The following CYP39A1 variants were observed in gnomAD, a reference collection of about 807,000 sequenced individuals.
CYP39A1 encodes the protein 24-hydroxycholesterol 7-alpha-hydroxylase.
CYP39A1 carries 49 observed loss-of-function variants against 58.1 expected under a neutral mutation model. The observed-to-expected ratio is 0.84, with a 90% CI of 0.67 to 1.07. The LOEUF is 1.07. CYP39A1 is among the 50% of genes least tolerant of loss of function. The probability of loss-of-function intolerance (pLI) is 0.00; values close to 1 mark genes in which losing one functional copy is unlikely to be tolerated. For synonymous variants in CYP39A1, 209 were observed against 187.6 expected (o/e 1.11, Z -0.93); for missense variants, 531 against 539.4 (o/e 0.98, Z 0.16).
At chr6:46,596,904 C>T (rs1459803444) in intron 7 of CYP39A1, among the ~76,000 whole-genome samples, 4 of 152,098 alleles carry the variant, frequency 2.6e-5, no homozygotes, top group African/African-American at 9.7e-5. Flanking sequence ...TTGTTTTTGA[C>T]AGTATTTGCT....
chr6:46,597,429 T>C (rs971740988), intron 7 of CYP39A1, among the ~76,000 whole-genome samples: 3 of 152,074 alleles, frequency 2.0e-5, no homozygotes, highest in South Asian at 4.1e-4. Context: ...ACAGCTAAGG[T>C]AGTTTAAAGC....
chr6:46,633,140 C>A (rs1008778094), intron 5 of CYP39A1, among the ~76,000 whole-genome samples: 4 of 152,154 alleles, frequency 2.6e-5, no homozygotes, highest in African/African-American at 9.6e-5. Context: ...AAGGTAAGCA[C>A]CCCAAAAATG....
intron 10 of CYP39A1, chr6:46,583,413 T>C (rs1022464523): frequency 3.0e-6 from 3 of 985,314 alleles, no homozygotes; most frequent in Non-Finnish European, 3.6e-6. Context: ...CTCTCAGAGG[T>C]GCTCACTCAA....
rs148967695 is a variant in CYP39A1 at position 46,629,808 on chromosome 6, A to C, written c.840+1155T>G. ...AGTATATTTAAAAAGTTACCCTTTA[A>C]TTTCAGATAATATAAGTAGCATCTT... On this transcript the variant is annotated intron_variant, in intron 6 of 11. Coordinates refer to ENST00000275016, the MANE Select transcript of CYP39A1 (RefSeq NM_016593.5). Among the ~76,000 whole-genome samples, 280 of 152,338 alleles carry C rather than the reference A, an allele frequency of 1.8e-3. 1 individual carries two copies. Among genetic ancestry groups the C allele is most frequent in the African/African-American group, 6.4e-3 (265 of 41,574 alleles).
intron 10 of CYP39A1, among the ~76,000 whole-genome samples, chr6:46,577,511 T>A (rs188488753): frequency 6.6e-6 from 1 of 152,036 alleles, no homozygotes; most frequent in Non-Finnish European, 1.5e-5. Flanking sequence ...AAGACCCAAC[T>A]GTATTCTGTC....
chr6:46,587,608 C>T (rs1772549723), intron 9 of CYP39A1, among the ~76,000 whole-genome samples: 1 of 152,146 alleles, frequency 6.6e-6, no homozygotes, highest in South Asian at 2.1e-4. Flanking sequence ...ACTAAATGAC[C>T]TCTTAACATT....
chr6:46,586,891 AG>A (rs1454441655), intron 10 of CYP39A1, among the ~76,000 whole-genome samples, 185 bp downstream of exon 10: 5 of 152,168 alleles, frequency 3.3e-5, no homozygotes, highest in African/African-American at 7.2e-5. Flanking sequence ...TTCTATCAGA[AG>A]CCACTTTAGA....
At chr6:46,642,548 TATGAA>T (rs767610331) in intron 1 of CYP39A1, among the ~76,000 whole-genome samples, 1 of 152,164 alleles carries the variant, frequency 6.6e-6, no homozygotes, top group African/African-American at 2.4e-5. Context: ...TTTCTTGTAC[TATGAA>T]ATAAGTAGAA....
chr6:46,576,838 G>A lies in CYP39A1; in HGVS notation c.1250+10239C>T, dbSNP rs1771872675. Among the ~76,000 whole-genome samples, 3 of 152,154 alleles carry A rather than the reference G, an allele frequency of 2.0e-5. No homozygotes were observed. In the South Asian group the frequency reaches 6.2e-4, roughly 32 times the overall value. On this transcript the variant is annotated intron_variant, in intron 10 of 11. Transcript: ENST00000275016. Reference sequence around the variant, plus strand: ...ATGAACAAAGTCTTTTAGAAATATGGGATTATGTTAAGAAACCAAACCTAC... The same window carrying A: ...ATGAACAAAGTCTTTTAGAAATATGAGATTATGTTAAGAAACCAAACCTAC...
chr6:46,575,340 T>C (rs1159314935), intron 10 of CYP39A1, among the ~76,000 whole-genome samples: 1 of 152,184 alleles, frequency 6.6e-6, no homozygotes, highest in African/African-American at 2.4e-5. Flanking sequence ...CTGCTGGACC[T>C]GGAGAGAGTG....
rs546923115 is a variant in CYP39A1, at chr6:46,642,008, T to C, written c.313+155A>G. Reference sequence around the variant, plus strand: ...TTGCATTTCAATGGCCAAACTATTCTACCCATAACTCTTTCCTCTTCTACC... The same window carrying C: ...TTGCATTTCAATGGCCAAACTATTCCACCCATAACTCTTTCCTCTTCTACC... On this transcript the variant is annotated intron_variant, in intron 2 of 11. Coordinates refer to ENST00000275016, the MANE Select transcript of CYP39A1 (RefSeq NM_016593.5). Among the ~76,000 whole-genome samples the C allele has an allele frequency of 2.6e-5, 4 of 152,308 alleles. No individual in the cohort carries two copies. The East Asian group carries it at 7.7e-4, about 29-fold the overall frequency.
chr6:46,639,409 C>T (rs951575090), intron 3 of CYP39A1, 85 bp downstream of exon 3: 1 of 1,280,012 alleles, frequency 7.8e-7, no homozygotes, highest in South Asian at 1.3e-5. Flanking sequence ...ATCAACCTGA[C>T]AATGTTTGAA....
At chr6:46,642,815 C>T (rs557186932) in intron 1 of CYP39A1, among the ~76,000 whole-genome samples, 2 of 152,312 alleles carry the variant, frequency 1.3e-5, no homozygotes, top group African/African-American at 2.4e-5. Context: ...CCAACCTCTC[C>T]ATTCTGACAT....
At chr6:46,615,437 A>G (rs990511314) in intron 7 of CYP39A1, among the ~76,000 whole-genome samples, 1 of 151,996 alleles carries the variant, frequency 6.6e-6, no homozygotes, top group Non-Finnish European at 1.5e-5. Flanking sequence ...GTACAATGAT[A>G]TCTCCCCACC....
At chr6:46,628,287 A>G (rs1207419816) in intron 6 of CYP39A1, among the ~76,000 whole-genome samples, 2 of 152,230 alleles carry the variant, frequency 1.3e-5, no homozygotes, top group African/African-American at 4.8e-5. Context: ...ATTGGAGAAA[A>G]ATGAACGAAA....
At chr6:46,592,489 T>A (rs1772898642) in intron 8 of CYP39A1, among the ~76,000 whole-genome samples, 1 of 152,188 alleles carries the variant, frequency 6.6e-6, no homozygotes, top group Non-Finnish European at 1.5e-5. Flanking sequence ...ATTAGTAATG[T>A]ATACAAGGAT....
chr6:46,551,748 C>T (rs806507), intron 11 of CYP39A1, among the ~76,000 whole-genome samples: 13,069 of 152,168 alleles, frequency 0.086, 1,402 homozygotes, highest in African/African-American at 0.25. Flanking sequence ...ACAGAGTGTT[C>T]AGGACATGCT....
intron 10 of CYP39A1, among the ~76,000 whole-genome samples, chr6:46,570,821 T>C (rs1463812817): frequency 6.6e-6 from 1 of 152,170 alleles, no homozygotes; most frequent in Non-Finnish European, 1.5e-5. Flanking sequence ...TCATGGGGGA[T>C]TTCCCCTCAC....
At chr6:46,630,436 T>C (rs1775586116) in intron 6 of CYP39A1, among the ~76,000 whole-genome samples, 1 of 152,174 alleles carries the variant, frequency 6.6e-6, no homozygotes, top group African/African-American at 2.4e-5. Flanking sequence ...TCCCTTTTTT[T>C]ACCCTTATTA....
Sources: gnomAD v4.1 joint callset for allele counts (sites outside exome capture counted in the v4.1 genomes callset) on GRCh38, gnomAD v4.1.1 for gene constraint, MANE v1.5 for transcripts, NCBI Gene and HGNC (gene_info 2026-07-23, HGNC 2026-07-21) for gene names.